ZMYND12: variants seen among roughly 807,000 people sequenced by gnomAD.
ZMYND12 encodes the protein zinc finger MYND domain-containing protein 12.
Under a neutral mutation model 41.7 loss-of-function variants are expected in ZMYND12, and 32 were observed. That is an observed-to-expected ratio of 0.77 (90% CI 0.58 to 1.03). The LOEUF (loss-of-function observed/expected upper bound fraction) is 1.03, where lower values mean the gene tolerates loss of function less well. Ranked by LOEUF, ZMYND12 falls within the 50% of genes least tolerant of loss-of-function variation. The probability of loss-of-function intolerance (pLI) is 0.00; values close to 1 mark genes in which losing one functional copy is unlikely to be tolerated. For missense variants in ZMYND12, 424 were observed against 438.5 expected (o/e 0.97, Z 0.30); for synonymous variants, 148 against 164.8 (o/e 0.90, Z 0.78).
At chr1:42,440,129 TA>T in intron 3 of ZMYND12, 104 bp from the exon 4 acceptor site, 1 of 1,255,058 alleles carries the variant, frequency 8.0e-7, no homozygotes, top group Non-Finnish European at 1.1e-6. Context: ...TTGACTCAAG[TA>T]TTTATTGACA....
intron 3 of ZMYND12, 36 bp downstream of exon 3, chr1:42,448,431 T>G (rs1643046587): frequency 2.0e-6 from 3 of 1,536,564 alleles, no homozygotes; most frequent in South Asian, 1.3e-5. Flanking sequence ...TAACACCACT[T>G]AAGGGATCCA....
At chr1:42,437,169 TA>T (rs1642916451) in intron 4 of ZMYND12, among the ~76,000 whole-genome samples, 2 of 152,084 alleles carry the variant, frequency 1.3e-5, no homozygotes, top group African/African-American at 4.8e-5. Flanking sequence ...ATAATCACCC[TA>T]GGTGAAAGAG....
intron 1 of ZMYND12, among the ~76,000 whole-genome samples, chr1:42,451,997 C>A (rs913857613): frequency 1.3e-5 from 2 of 152,166 alleles, no homozygotes; most frequent in African/African-American, 4.8e-5. Context: ...TAAATGCTTT[C>A]AATCAGGGCT....
intron 1 of ZMYND12, 58 bp downstream of exon 1, chr1:42,455,830 C>A (rs975895022): frequency 7.3e-7 from 1 of 1,372,558 alleles, no homozygotes; most frequent in East Asian, 2.3e-5. Context: ...AAGCCAGACC[C>A]GGGAAAGGGA....
intron 7 of ZMYND12, among the ~76,000 whole-genome samples, 188 bp from the exon 8 acceptor site, chr1:42,431,046 G>C (rs1642843498): frequency 6.6e-6 from 1 of 152,172 alleles, no homozygotes; most frequent in Non-Finnish European, 1.5e-5. Context: ...GCGCTGGGCA[G>C]GGCACCAGAA....
Position 42,450,030 on chromosome 1 carries a change from T to C in ZMYND12, c.140A>G (p.Asp47Gly). Residue 47 changes from aspartate (D) to glycine (G), a missense_variant, in exon 2 of 8, where the codon GAC becomes GGC. Coordinates refer to ENST00000372565, the MANE Select transcript of ZMYND12 (RefSeq NM_032257.5). The part of the protein sequence containing the change: ...CGVVHQKADW[D>G]SIHEKICQLL... Reference sequence around the variant, plus strand: ...CTGACATATTTTCTCATGGATGCTGTCCCAGTCAGCCTTCTGATGTACCAC... The same window carrying C: ...CTGACATATTTTCTCATGGATGCTGCCCCAGTCAGCCTTCTGATGTACCAC... 1 of 1,613,900 alleles carries C rather than the reference T, an allele frequency of 6.2e-7. No homozygotes were observed. Among genetic ancestry groups the C allele is most frequent in the Non-Finnish European group, 8.5e-7 (1 of 1,180,008 alleles).
chr1:42,452,627 CG>C (rs1431560630), intron 1 of ZMYND12, among the ~76,000 whole-genome samples: 1 of 151,962 alleles, frequency 6.6e-6, no homozygotes, highest in Non-Finnish European at 1.5e-5. Flanking sequence ...TGCTTGAACC[CG>C]GGAGACAGAG....
rs80182553 is a variant in ZMYND12, at chr1:42,438,754, G to A, written c.594+1102C>T. Among the ~76,000 whole-genome samples the A allele has an allele frequency of 1.4e-4, 22 of 152,252 alleles. No homozygotes were observed. The East Asian group carries it at 3.5e-3, about 24-fold the overall frequency. ...ATAACCAGCGTAAAATTTAATTTAC[G>A]GGCATTGTACAGGCGGGCAACCAGA... On this transcript the variant is annotated intron_variant, in intron 4 of 7. Coordinates refer to ENST00000372565, the MANE Select transcript of ZMYND12 (RefSeq NM_032257.5).
intron 3 of ZMYND12, among the ~76,000 whole-genome samples, chr1:42,440,517 G>A (rs1050446110): frequency 6.6e-6 from 1 of 151,818 alleles, no homozygotes; most frequent in Admixed American, 6.6e-5. Context: ...ACTAACAGGG[G>A]GTCCAATGCA....
At chr1:42,442,629 A>G (rs1642983219) in intron 3 of ZMYND12, among the ~76,000 whole-genome samples, 1 of 152,190 alleles carries the variant, frequency 6.6e-6, no homozygotes, top group Non-Finnish European at 1.5e-5. Flanking sequence ...TAGGTGCTGC[A>G]GCAGAAATGG....
At position 42,449,067 on chromosome 1, in the gene ZMYND12, C is replaced by CA. The variant is rs562299758; in HGVS notation, c.253-430dup. Among the ~76,000 whole-genome samples the CA allele has an allele frequency of 1.3e-3, 197 of 152,226 alleles. 1 individual carries two copies. The highest frequency in any genetic ancestry group is 4.6e-3 in the African/African-American group (190 of 41,534). ...GAATTATCCTGTTTAGCTAATATCA[C>CA]AAAAAACTTTAACTCTGCATTGTTC... On this transcript the variant is annotated intron_variant, in intron 2 of 7. Coordinates refer to ENST00000372565, the MANE Select transcript of ZMYND12 (RefSeq NM_032257.5).
Position 42,440,003 on chromosome 1 carries a change from A to T in ZMYND12, c.447T>A (p.Ala149=). 1 of 1,611,606 alleles carries T rather than the reference A, an allele frequency of 6.2e-7. No homozygotes were observed. The highest frequency in any genetic ancestry group is 8.5e-7 in the Non-Finnish European group (1 of 1,179,302). Residue 149 remains alanine (A), a synonymous_variant, in exon 4 of 8, where the codon GCT becomes GCA. Coordinates refer to ENST00000372565, the MANE Select transcript of ZMYND12 (RefSeq NM_032257.5). ...ASLGLGRIVQ[A]EEYLFQAQWT... Reference sequence around the variant, plus strand: ...ACTGGGCTTGGAATAGATATTCTTCAGCCTGAACGATTCGGCCCAGACCTG... The same window carrying T: ...ACTGGGCTTGGAATAGATATTCTTCTGCCTGAACGATTCGGCCCAGACCTG...
chr1:42,440,165 C>A, intron 3 of ZMYND12, 140 bp from the exon 4 acceptor site: 13 of 801,370 alleles, frequency 1.6e-5, no homozygotes, highest in Non-Finnish European at 2.3e-5. Context: ...CAGGAATGTT[C>A]ACAGCAGCCT....
At chr1:42,441,613 ATTGTT>A (rs149918890) in intron 3 of ZMYND12, among the ~76,000 whole-genome samples, 43 of 150,478 alleles carry the variant, frequency 2.9e-4, no homozygotes, top group African/African-American at 1.0e-3. Context: ...AACATCATGT[ATTGTT>A]TTGTTTTGTT....
At chr1:42,434,268 C>T (rs1225700884) in intron 6 of ZMYND12, among the ~76,000 whole-genome samples, 1 of 152,218 alleles carries the variant, frequency 6.6e-6, no homozygotes, top group African/African-American at 2.4e-5. Flanking sequence ...CTATTCAACA[C>T]TTAGCCCTTT....
chr1:42,436,610 T>A, intron 4 of ZMYND12, 67 bp from the exon 5 acceptor site: 2 of 1,570,656 alleles, frequency 1.3e-6, no homozygotes, highest in Non-Finnish European at 1.7e-6. Context: ...ATAAAGGACT[T>A]GTATCTAGAA....
chr1:42,436,605 G>A, intron 4 of ZMYND12, 62 bp from the exon 5 acceptor site: 1 of 1,581,466 alleles, frequency 6.3e-7, no homozygotes, highest in Non-Finnish European at 8.6e-7. Flanking sequence ...ATCTGATAAA[G>A]GACTTGTATC....
intron 7 of ZMYND12, among the ~76,000 whole-genome samples, chr1:42,432,517 A>AT (rs1642864288): frequency 6.6e-6 from 1 of 152,156 alleles, no homozygotes; most frequent in African/African-American, 2.4e-5. Context: ...CAAATGGTAG[A>AT]TTTTCAATAA....
chr1:42,453,637 G>T (rs959736549), intron 1 of ZMYND12, among the ~76,000 whole-genome samples: 1 of 152,212 alleles, frequency 6.6e-6, no homozygotes, highest in African/African-American at 2.4e-5. Flanking sequence ...GAGGGATACA[G>T]AGGACAGGGG....
Sources: allele counts gnomAD v4.1 joint callset (sites outside exome capture counted in the v4.1 genomes callset), GRCh38; gene constraint gnomAD v4.1.1; transcripts MANE v1.5; gene names NCBI Gene and HGNC (gene_info 2026-07-23, HGNC 2026-07-21).